ZNF641: variants seen among roughly 807,000 people sequenced by gnomAD.
ZNF641 encodes the protein zinc finger protein 641.
Under a neutral mutation model 46.2 loss-of-function variants are expected in ZNF641, and 26 were observed. The observed-to-expected ratio is 0.56, with a 90% CI of 0.41 to 0.78. The LOEUF (loss-of-function observed/expected upper bound fraction) is 0.78. ZNF641 is among the 30% of genes least tolerant of loss of function. ZNF641 has a pLI of 0.00. For synonymous variants in ZNF641, 163 were observed against 187.9 expected, an observed-to-expected ratio of 0.87 and a Z score of 1.09; for missense variants, 469 against 517.8, an observed-to-expected ratio of 0.91 and a Z score of 0.91.
Position 48,343,383 on chromosome 12 carries a change from G to A in ZNF641, c.865C>T (p.Arg289Ter), listed in dbSNP as rs976947557. 4 of 1,614,114 alleles carry A rather than the reference G, an allele frequency of 2.5e-6. No homozygotes were observed. The highest frequency in any genetic ancestry group is 3.4e-6 in the Non-Finnish European group (4 of 1,180,024). The change falls in exon 6 of 6, where the codon CGA (arginine) becomes TGA (stop). Residue 289 changes from arginine (R) to a stop codon, truncating the protein, a stop_gained. Coordinates refer to ENST00000547026, the MANE Select transcript of ZNF641 (RefSeq NM_001172681.2). LOFTEE classifies it high-confidence loss of function. ...SCLKCEKTFG[R>*]RHHLIRHQKT... ...TGGTGCCTGATGAGGTGATGTCTTC[G>A]CCCAAAGGTCTTCTCACACTTGAGG...
chr12:48,335,137 C>T (rs1243214265), downstream of ZNF641, among the ~76,000 whole-genome samples: 2 of 152,196 alleles, frequency 1.3e-5, no homozygotes, highest in East Asian at 3.8e-4. Flanking sequence ...TATGACAGAA[C>T]CCACAGAAGA....
Position 48,350,772 on chromosome 12 carries a change from C to T in ZNF641, c.-26+14G>A. 1 of 970,888 alleles carries T rather than the reference C, an allele frequency of 1.0e-6. No individual in the cohort carries two copies. Among genetic ancestry groups the T allele is most frequent in the Non-Finnish European group, 1.2e-6 (1 of 816,598 alleles). 60.1% of individuals were successfully genotyped at this position (970,888 alleles called of 1,614,324 possible). On this transcript the variant is annotated intron_variant, in intron 1 of 5. Transcript: ENST00000547026. ...CCCTCCAGCCGCAGCTCCCTCCGGCCCGGCTCCACTCACCCCCGGTAGGCT... is the reference window on the plus strand; with the variant it reads ...CCCTCCAGCCGCAGCTCCCTCCGGCTCGGCTCCACTCACCCCCGGTAGGCT...
chr12:48,348,349 T>A (rs536313843), intron 1 of ZNF641, among the ~76,000 whole-genome samples: 1 of 152,320 alleles, frequency 6.6e-6, no homozygotes, highest in East Asian at 1.9e-4. Context: ...TGGTATTTTG[T>A]GGACCTCATT....
chr12:48,347,064 T>C, intron 3 of ZNF641, 188 bp downstream of exon 3: 1 of 1,112,560 alleles, frequency 9.0e-7, no homozygotes, highest in Admixed American at 3.2e-5. Context: ...AGGAATTCCC[T>C]TTCTTGTAGG....
intron 1 of ZNF641, among the ~76,000 whole-genome samples, chr12:48,348,793 G>T (rs1244070252): frequency 2.0e-5 from 3 of 152,204 alleles, no homozygotes; most frequent in South Asian, 2.1e-4. Context: ...AAGAGAAATT[G>T]TTGGTCTGTG....
At position 48,337,719 on chromosome 12, in the gene ZNF641, C is replaced by T. The variant is rs1592137092; in HGVS notation, c.*5254G>A. 6.7e-6 allele frequency: 1 copy of T among 148,670 alleles called. No homozygotes were observed. The allele number at this position is 148,670 out of a possible 1,614,324, so 9.2% of individuals were successfully genotyped here. A position where few individuals can be genotyped will look rare whatever the true frequency, so the allele number is the denominator to read the frequency against. ...TGGTGGGCGCTTGTAGTCCCAGCTACTCGGGAGGCTGAGGCAAGAAAATGG... is the reference window on the plus strand; with the variant it reads ...TGGTGGGCGCTTGTAGTCCCAGCTATTCGGGAGGCTGAGGCAAGAAAATGG... On this transcript the variant is annotated 3_prime_UTR_variant, in exon 6 of 6. Transcript: ENST00000547026.
chr12:48,334,848 G>A (rs1027171642), downstream of ZNF641, among the ~76,000 whole-genome samples: 28 of 152,100 alleles, frequency 1.8e-4, no homozygotes, highest in African/African-American at 1.9e-4. Context: ...CGGTGGGACC[G>A]CACCTGTACC....
chr12:48,343,438 T>C lies in ZNF641; in HGVS notation c.810A>G (p.Gln270=). The change falls in exon 6 of 6, where the codon CAA becomes CAG. Residue 270 remains glutamine, a synonymous_variant. Coordinates refer to ENST00000547026, the MANE Select transcript of ZNF641 (RefSeq NM_001172681.2). ...TGTAGGGTCTCTCCCCAGTGTGTGT[T>C]TGTTGATGCCTGGCAAGGTGGGAAC... is the stretch of plus-strand genomic sequence containing the variant. ...VWGSHLARHQ[Q]THTGERPYSC... The C allele has an allele frequency of 1.2e-6, 2 of 1,614,132 alleles. No individual in the cohort carries two copies. The highest frequency in any genetic ancestry group is 8.5e-7 in the Non-Finnish European group (1 of 1,179,960).
intron 1 of ZNF641, 133 bp from the exon 2 acceptor site, chr12:48,348,248 A>G: frequency 4.5e-6 from 4 of 889,964 alleles, no homozygotes; most frequent in South Asian, 3.3e-5. Flanking sequence ...ATGAACTTTA[A>G]AAGCTTGATG....
At chr12:48,347,386 C>A in intron 2 of ZNF641, 43 bp from the exon 3 acceptor site, 3 of 1,543,076 alleles carry the variant, frequency 1.9e-6, no homozygotes, top group East Asian at 2.3e-5. Context: ...AACGATCTAC[C>A]CTTTCTCAAT....
At chr12:48,336,221 T>C (rs1952603427), downstream of ZNF641, among the ~76,000 whole-genome samples, 1 of 152,174 alleles carries the variant, frequency 6.6e-6, no homozygotes. Flanking sequence ...TATACAGTGT[T>C]GGTGGGAGTT....
chr12:48,346,661 G>A (rs1952880446), intron 3 of ZNF641, among the ~76,000 whole-genome samples: 2 of 152,178 alleles, frequency 1.3e-5, no homozygotes, highest in South Asian at 4.2e-4. Flanking sequence ...TTAAAGGAAG[G>A]TAATTAATTA....
Position 48,341,134 on chromosome 12 carries a change from C to G in ZNF641, c.*1839G>C. 1 of 985,472 alleles carries G rather than the reference C, an allele frequency of 1.0e-6. No individual in the cohort carries two copies. The highest frequency in any genetic ancestry group is 1.2e-6 in the Non-Finnish European group (1 of 829,944). The allele number at this position is 985,472 out of a possible 1,614,324, so 61.0% of individuals were successfully genotyped here. On this transcript the variant is annotated 3_prime_UTR_variant, in exon 6 of 6. Coordinates refer to ENST00000547026, the MANE Select transcript of ZNF641 (RefSeq NM_001172681.2). ...TTCAATTCTAGTTGAGTCCAGGACT[C>G]TGAGGAGCTGTGATTCACCCAGTTT...
chr12:48,348,564 C>T (rs777113712), intron 1 of ZNF641, among the ~76,000 whole-genome samples: 6 of 152,352 alleles, frequency 3.9e-5, no homozygotes, highest in Non-Finnish European at 7.4e-5. Flanking sequence ...CCACAAATCA[C>T]AGTCTCATCA....
At chr12:48,347,641 C>T (rs1430310325) in intron 2 of ZNF641, among the ~76,000 whole-genome samples, 2 of 152,202 alleles carry the variant, frequency 1.3e-5, no homozygotes, top group African/African-American at 4.8e-5. Context: ...GCTGTCACTT[C>T]CTTCATCTCC....
Position 48,345,447 on chromosome 12 carries a change from G to GT in ZNF641, c.303dup (p.Leu102ThrfsTer57). On this transcript the variant is annotated frameshift_variant, in exon 4 of 6. Transcript: ENST00000547026. LOFTEE classifies it high-confidence loss of function. The stretch of plus-strand genomic sequence containing the variant: ...CGCCACTCCTCCTGAGAGAAGCACA[G>GT]TGACACATCCTTGATGGTTACCAGG... 1 of 1,614,216 alleles carries GT rather than the reference G, an allele frequency of 6.2e-7. No homozygotes were observed. Among genetic ancestry groups the GT allele is most frequent in the Non-Finnish European group, 8.5e-7 (1 of 1,180,018 alleles).
Position 48,343,538 on chromosome 12 carries a change from A to G in ZNF641, c.710T>C (p.Leu237Pro). The G allele has an allele frequency of 6.2e-7, 1 of 1,607,418 alleles. No individual in the cohort carries two copies. The highest frequency in any genetic ancestry group is 8.5e-7 in the Non-Finnish European group (1 of 1,175,344). Residue 237 changes from leucine (L) to proline (P), a missense_variant, in exon 6 of 6, where the codon CTG becomes CCG. Around this residue, in one of 3 missense-constraint regions of ZNF641, gnomAD observed 346 missense variants for 354.0 expected, o/e 0.98. Transcript: ENST00000547026. ...PFLQEDSFSN[L>P]LCSTEMDSLL... ...GGAATCCATCTCTGTGCTACACAGC[A>G]GGTTTGAGAAACTATCTTCCTGAAG...
chr12:48,346,126 G>A (rs549898900), intron 3 of ZNF641, among the ~76,000 whole-genome samples: 83 of 152,102 alleles, frequency 5.5e-4, no homozygotes, highest in Middle Eastern at 3.4e-3. Context: ...GGCTGGTCTC[G>A]AACTCCTGAC....
At chr12:48,335,787 T>C (rs921262493), downstream of ZNF641, among the ~76,000 whole-genome samples, 1 of 152,222 alleles carries the variant, frequency 6.6e-6, no homozygotes, top group Non-Finnish European at 1.5e-5. Flanking sequence ...GCCTGCAAGA[T>C]TCTAGGCCCT....
Sources: allele counts gnomAD v4.1 joint callset (sites outside exome capture counted in the v4.1 genomes callset), GRCh38; gene constraint gnomAD v4.1.1; regional missense constraint gnomAD v4.1.1; transcripts MANE v1.5; gene names NCBI Gene and HGNC (gene_info 2026-07-23, HGNC 2026-07-21).